ST7: variants seen among roughly 807,000 people sequenced by gnomAD.
The protein encoded by ST7 is suppression of tumorigenicity 7, also known as suppressor of tumorigenicity 7 protein.
In ST7, 28 loss-of-function variants were observed where a neutral mutation model predicts 78.7. The ratio of observed to expected loss-of-function variants is 0.36; its 90% CI spans 0.26 to 0.49. ST7 has a LOEUF of 0.49. Among genes scored for constraint, ST7 ranks in the 20% least tolerant of loss-of-function variants. The pLI, the probability that ST7 is intolerant of heterozygous loss-of-function variation, is 0.99. For missense variants in ST7, 418 were observed against 696.0 expected, an observed-to-expected ratio of 0.60 and a Z score of 4.49; for synonymous variants, 247 against 249.6, an observed-to-expected ratio of 0.99 and a Z score of 0.10.
intron 1 of ST7, among the ~76,000 whole-genome samples, chr7:117,035,217 A>G (rs1176482790): frequency 6.7e-6 from 1 of 150,124 alleles, no homozygotes; most frequent in Non-Finnish European, 1.5e-5. Flanking sequence ...ACACCTGACT[A>G]TAGTCTGTTT....
At chr7:117,176,648 G>A (rs1311932904) in intron 10 of ST7, among the ~76,000 whole-genome samples, 2 of 152,136 alleles carry the variant, frequency 1.3e-5, no homozygotes, top group Admixed American at 1.3e-4. Flanking sequence ...CCTGTCTTTT[G>A]GTTAGGCTGT....
intron 9 of ST7, among the ~76,000 whole-genome samples, chr7:117,155,092 G>A (rs1806586466): frequency 6.6e-6 from 1 of 152,156 alleles, no homozygotes; most frequent in South Asian, 2.1e-4. Context: ...TGTCATGGTA[G>A]GTAACAGGAG....
At chr7:117,009,967 A>T (rs541622626) in intron 1 of ST7, among the ~76,000 whole-genome samples, 1 of 152,280 alleles carries the variant, frequency 6.6e-6, no homozygotes, top group East Asian at 1.9e-4. Context: ...AACAACAAAC[A>T]GGTGTTGTGT....
rs1394505919 is a variant in ST7, at chr7:117,131,820, C to T, written c.566-65C>T. Reference sequence around the variant, plus strand: ...CTGACACTCCTAATTTAGCTCTTGTCCTCTACTGAGTCTACCTAATTATAT... The same window carrying T: ...CTGACACTCCTAATTTAGCTCTTGTTCTCTACTGAGTCTACCTAATTATAT... On this transcript the variant is annotated intron_variant, in intron 5 of 15. Transcript: ENST00000323984. The T allele has an allele frequency of 2.9e-6, 4 of 1,400,648 alleles. No individual in the cohort carries two copies. In the African/African-American group the frequency reaches 4.3e-5, roughly 15 times the overall value. 86.8% of individuals were successfully genotyped at this position (1,400,648 alleles called of 1,614,324 possible). A position where few individuals can be genotyped will look rare whatever the true frequency, so the allele number is the denominator to read the frequency against.
At chr7:117,123,487 A>G (rs974377266) in intron 3 of ST7, among the ~76,000 whole-genome samples, 1 of 152,184 alleles carries the variant, frequency 6.6e-6, no homozygotes, top group Non-Finnish European at 1.5e-5. Flanking sequence ...AGTTAATTAT[A>G]CAGTTTCTTA....
At chr7:117,200,040 C>A (rs1025984299) in intron 12 of ST7, among the ~76,000 whole-genome samples, 5 of 152,088 alleles carry the variant, frequency 3.3e-5, no homozygotes, top group African/African-American at 1.2e-4. Context: ...GTCATTATCA[C>A]CAAGGAGGGC....
chr7:117,208,913 GTGT>G (rs1792041738), intron 12 of ST7, among the ~76,000 whole-genome samples: 1 of 144,748 alleles, frequency 6.9e-6, no homozygotes, highest in African/African-American at 2.6e-5. Context: ...GTGTGTGTGT[GTGT>G]GTGTGTGTGT....
intron 1 of ST7, among the ~76,000 whole-genome samples, chr7:117,078,288 G>T (rs2116581855): frequency 6.6e-6 from 1 of 152,342 alleles, no homozygotes; most frequent in South Asian, 2.1e-4. Flanking sequence ...AGAAGGTGCA[G>T]CTGGGCATTT....
chr7:117,201,156 T>C (rs949592721), intron 12 of ST7, among the ~76,000 whole-genome samples: 2 of 152,196 alleles, frequency 1.3e-5, no homozygotes, highest in Non-Finnish European at 2.9e-5. Flanking sequence ...GTCTATGATA[T>C]TATATATCAA....
At chr7:117,127,194 G>A (rs1391862054) in intron 3 of ST7, among the ~76,000 whole-genome samples, 2 of 151,756 alleles carry the variant, frequency 1.3e-5, no homozygotes, top group Non-Finnish European at 2.9e-5. Context: ...TTGAAATAAG[G>A]AATTTATTCC....
intron 13 of ST7, among the ~76,000 whole-genome samples, chr7:117,214,832 T>G (rs1792562643): frequency 6.6e-6 from 1 of 152,014 alleles, no homozygotes; most frequent in Non-Finnish European, 1.5e-5. Context: ...AAATATTTAT[T>G]GAGTCCATCC....
intron 9 of ST7, among the ~76,000 whole-genome samples, chr7:117,167,153 G>A (rs1807626772): frequency 6.6e-6 from 1 of 150,978 alleles, no homozygotes; most frequent in South Asian, 2.1e-4. Context: ...CATGTGCCAT[G>A]CTGGTGTGCT....
At chr7:117,099,046 C>CAAAAAAAAAAAGAA (rs1801343365) in intron 1 of ST7, among the ~76,000 whole-genome samples, 1 of 30,830 alleles carries the variant, frequency 3.2e-5, no homozygotes, top group Non-Finnish European at 5.1e-5. Context: ...CTCACTTTCG[C>CAAAAAAAAAAAGAA]AAAAAAAAAA....
intron 1 of ST7, among the ~76,000 whole-genome samples, chr7:117,085,055 A>C (rs1053197881): frequency 6.6e-6 from 1 of 152,310 alleles, no homozygotes; most frequent in Non-Finnish European, 1.5e-5. Flanking sequence ...AAAGGAAAAT[A>C]AGAGGCAAAT....
At chr7:116,972,640 A>T (rs1793485565) in intron 1 of ST7, 1 of 1,226,788 alleles carries the variant, frequency 8.2e-7, no homozygotes, top group East Asian at 2.3e-5. Context: ...AATAAACTTC[A>T]TACCTCTCTC....
intron 12 of ST7, 149 bp from the exon 13 acceptor site, chr7:117,209,638 G>A: frequency 1.2e-6 from 1 of 867,092 alleles, no homozygotes; most frequent in South Asian, 1.7e-5. Flanking sequence ...GGATGTTTTA[G>A]TAATTGCCTT....
At chr7:117,053,436 T>G (rs1759618727) in intron 1 of ST7, among the ~76,000 whole-genome samples, 1 of 152,192 alleles carries the variant, frequency 6.6e-6, no homozygotes, top group Admixed American at 6.5e-5. Flanking sequence ...CCCTCCTCCT[T>G]TGAAGCTTTT....
intron 10 of ST7, among the ~76,000 whole-genome samples, chr7:117,176,262 A>C (rs1001970144): frequency 1.5e-4 from 23 of 152,206 alleles, no homozygotes; most frequent in Admixed American, 1.3e-3. Context: ...TCTTACAGTC[A>C]CAAAAGTTAT....
At chr7:116,989,845 A>G (rs1008066528) in intron 1 of ST7, among the ~76,000 whole-genome samples, 1 of 152,166 alleles carries the variant, frequency 6.6e-6, no homozygotes, top group African/African-American at 2.4e-5. Context: ...TCTCCAAAAA[A>G]AAATTTTTTT....
Sources: allele counts gnomAD v4.1 joint callset (sites outside exome capture counted in the v4.1 genomes callset), GRCh38; gene constraint gnomAD v4.1.1; transcripts MANE v1.5; gene names NCBI Gene and HGNC (gene_info 2026-07-23, HGNC 2026-07-21).